MCPH1: variants seen among roughly 807,000 people sequenced by gnomAD.
MCPH1 encodes the protein microcephalin 1.
A neutral mutation model predicts 84.5 loss-of-function variants in MCPH1; 104 were observed. The ratio of observed to expected loss-of-function variants is 1.23; its 90% CI spans 1.05 to 1.45. The LOEUF is 1.45. Ranked by LOEUF, MCPH1 falls within the 40% of genes most tolerant of loss-of-function variation. The probability of loss-of-function intolerance (pLI) is 0.00; values close to 1 mark genes in which losing one functional copy is unlikely to be tolerated. For missense variants in MCPH1, 1,498 were observed against 1,005.7 expected, an observed-to-expected ratio of 1.49 and a Z score of -6.62; for synonymous variants, 514 against 366.8, an observed-to-expected ratio of 1.40 and a Z score of -4.58.
intron 12 of MCPH1, among the ~76,000 whole-genome samples, chr8:6,582,544 T>G (rs977494102): frequency 6.6e-6 from 1 of 152,216 alleles, no homozygotes; most frequent in African/African-American, 2.4e-5. Context: ...TTTATTTTAT[T>G]TTTTAATGCT....
intron 13 of MCPH1, among the ~76,000 whole-genome samples, chr8:6,623,800 CTA>C (rs1425142348): frequency 1.3e-5 from 2 of 150,972 alleles, no homozygotes. Context: ...TCAAAACATC[CTA>C]TGTTCTGAAA....
intron 12 of MCPH1, among the ~76,000 whole-genome samples, chr8:6,540,606 A>G (rs1008335116): frequency 3.3e-5 from 5 of 152,366 alleles, no homozygotes; most frequent in Non-Finnish European, 7.3e-5. Context: ...CCACGTCTGC[A>G]TATATAGATA....
intron 13 of MCPH1, among the ~76,000 whole-genome samples, chr8:6,623,595 G>T (rs1198897805): frequency 6.9e-6 from 1 of 145,426 alleles, no homozygotes; most frequent in African/African-American, 2.6e-5. Flanking sequence ...ATGACTGATG[G>T]TCATCCTTTC....
chr8:6,509,902 G>C (rs1814634532), intron 12 of MCPH1, among the ~76,000 whole-genome samples: 1 of 152,296 alleles, frequency 6.6e-6, no homozygotes, highest in South Asian at 2.1e-4. Context: ...ACTGGGACCT[G>C]TGGCTCGCTG....
intron 12 of MCPH1, among the ~76,000 whole-genome samples, chr8:6,602,412 C>T (rs1424305133): frequency 6.6e-6 from 1 of 152,056 alleles, no homozygotes; most frequent in Non-Finnish European, 1.5e-5. Flanking sequence ...GTCCGCAGGA[C>T]ACCTGAGCCT....
chr8:6,509,117 G>A, intron 12 of MCPH1: 1 of 1,579,806 alleles, frequency 6.3e-7, no homozygotes, highest in Non-Finnish European at 8.6e-7. Flanking sequence ...ATTTACCGTA[G>A]TGGCAAATTT....
intron 12 of MCPH1, among the ~76,000 whole-genome samples, chr8:6,578,761 C>T (rs1827313451): frequency 6.6e-6 from 1 of 152,166 alleles, no homozygotes; most frequent in African/African-American, 2.4e-5. Context: ...CTCAGGAAGA[C>T]AAGGCAGATC....
At chr8:6,464,686 C>G (rs567381500) in intron 9 of MCPH1, among the ~76,000 whole-genome samples, 44 of 152,218 alleles carry the variant, frequency 2.9e-4, no homozygotes, top group African/African-American at 8.7e-4. Flanking sequence ...AGGAGCTAGC[C>G]GAAGAAGTCT....
intron 12 of MCPH1, chr8:6,521,307 T>A: frequency 1.9e-6 from 3 of 1,613,840 alleles, no homozygotes; most frequent in Non-Finnish European, 2.5e-6. Flanking sequence ...ATGATGGAAT[T>A]TTGCTTGGAT....
chr8:6,632,702 G>C (rs879561241), intron 13 of MCPH1, among the ~76,000 whole-genome samples: 9 of 152,110 alleles, frequency 5.9e-5, no homozygotes, highest in South Asian at 2.1e-4. Context: ...CCAGCTACTC[G>C]GGAGGCTGAG....
intron 13 of MCPH1, chr8:6,622,270 T>A (rs941611243): frequency 6.0e-6 from 1 of 166,776 alleles, no homozygotes; most frequent in African/African-American, 2.4e-5. Flanking sequence ...TGTGCGATTC[T>A]GGGGAGGAAG....
chr8:6,635,223 G>C (rs1263643240), intron 13 of MCPH1: 1 of 152,194 alleles, frequency 6.6e-6, no homozygotes, highest in Non-Finnish European at 1.5e-5. Context: ...TTCATTGACT[G>C]TTGGGGAAAT....
rs1387077404 is a variant in MCPH1 at position 6,445,307 on chromosome 8, A to G, written c.1585A>G (p.Ile529Val). Residue 529 changes from isoleucine (I) to valine (V), a missense_variant, in exon 8 of 14, where the codon ATT (isoleucine) becomes GTT (valine). Physicochemically the swap from Ile to Val is conservative, Grantham distance 29. Coordinates refer to ENST00000344683, the MANE Select transcript of MCPH1 (RefSeq NM_024596.5). ...CPEGNGFSYTIEDPALPKGHD... is the reference protein window; with the variant it reads ...CPEGNGFSYTVEDPALPKGHD... ...AGAGGGAAATGGCTTTTCTTACACC[A>G]TTGAGGACCCTGCTCTTCCAAAAGG... The G allele has an allele frequency of 3.7e-6, 6 of 1,614,266 alleles. No homozygotes were observed. The East Asian group carries it at 1.1e-4, about 30-fold the overall frequency.
rs774614028 is a variant in MCPH1, at chr8:6,442,157, G to A, written c.670+1G>A. 2.5e-6 allele frequency: 4 copies of A among 1,593,330 alleles called. No individual in the cohort carries two copies. Among genetic ancestry groups the A allele is most frequent in the Middle Eastern group, 1.7e-4 (1 of 6,022 alleles). On this transcript the variant is annotated splice_donor_variant, in intron 7 of 13. Transcript: ENST00000344683. LOFTEE classifies it high-confidence loss of function. ...ATTTCACGTGATACTTTGTGTTCAG[G>A]TAAAATTTTTATTTTCCTTTCTGTG...
chr8:6,415,451 T>C (rs1799140294), intron 3 of MCPH1, among the ~76,000 whole-genome samples: 1 of 151,970 alleles, frequency 6.6e-6, no homozygotes, highest in Non-Finnish European at 1.5e-5. Context: ...CCTCCTGGGC[T>C]CAAGTGATTC....
intron 9 of MCPH1, among the ~76,000 whole-genome samples, chr8:6,468,785 A>G (rs1332069357): frequency 6.6e-6 from 1 of 152,078 alleles, no homozygotes; most frequent in Non-Finnish European, 1.5e-5. Context: ...TAGTTTTTAG[A>G]AAAACAAAGC....
chr8:6,432,842 A>G (rs1329011325), intron 4 of MCPH1, among the ~76,000 whole-genome samples: 6 of 152,258 alleles, frequency 3.9e-5, no homozygotes, highest in African/African-American at 1.4e-4. Context: ...GTGACATGCT[A>G]AAATCAAGTG....
intron 8 of MCPH1, chr8:6,447,539 T>G (rs1273710168): frequency 5.3e-6 from 3 of 562,188 alleles, no homozygotes; most frequent in Non-Finnish European, 6.8e-6. Flanking sequence ...AATTTTGGTT[T>G]TGTTTTGTTT....
At chr8:6,613,133 A>AGGTGCCG (rs894864965) in intron 12 of MCPH1, among the ~76,000 whole-genome samples, 1 of 152,192 alleles carries the variant, frequency 6.6e-6, no homozygotes, top group Non-Finnish European at 1.5e-5. Context: ...GGCCTGCAGC[A>AGGTGCCG]GGTGCCGGGT....
Sources: gnomAD v4.1 joint callset for allele counts (sites outside exome capture counted in the v4.1 genomes callset) on GRCh38, gnomAD v4.1.1 for gene constraint, MANE v1.5 for transcripts, NCBI Gene and HGNC (gene_info 2026-07-23, HGNC 2026-07-21) for gene names.